The following GAN variants were observed in gnomAD, a reference collection of about 807,000 sequenced individuals.
GAN encodes the protein gigaxonin.
A neutral mutation model predicts 71.3 loss-of-function variants in GAN; 48 were observed. That is an observed-to-expected ratio of 0.67 (90% CI 0.53 to 0.86). GAN has a LOEUF of 0.86. GAN is among the 40% of genes least tolerant of loss of function. The probability of loss-of-function intolerance (pLI) is 0.00; values close to 1 mark genes in which losing one functional copy is unlikely to be tolerated. For missense variants in GAN, 928 were observed against 770.1 expected (o/e 1.21, Z -2.43); for synonymous variants, 386 against 276.8 (o/e 1.39, Z -3.92).
At chr16:81,323,844 G>A (rs1056883270) in intron 1 of GAN, among the ~76,000 whole-genome samples, 2 of 152,148 alleles carry the variant, frequency 1.3e-5, no homozygotes, top group African/African-American at 2.4e-5. Context: ...TGCCATTGGA[G>A]CATTGTATTC....
Position 81,315,263 on chromosome 16 carries a change from G to T in GAN, c.150G>T (p.Ala50=), listed in dbSNP as rs541886350. ...CGGTGCAGAAGAACATCCTGGCGGC[G>T]GCCAGCCCGTACATCAGGTGGGGAG... ...EIPVQKNILA[A]ASPYIRTKLN... is the part of the protein sequence containing the mutation. Residue 50 remains alanine (A), a synonymous_variant, in exon 1 of 11, where the codon GCG becomes GCT. Coordinates refer to ENST00000648994, the MANE Select transcript of GAN (RefSeq NM_022041.4). 1.3e-6 allele frequency: 2 copies of T among 1,569,806 alleles called. No homozygotes were observed. Among genetic ancestry groups the T allele is most frequent in the South Asian group, 2.3e-5 (2 of 86,194 alleles).
intron 1 of GAN, among the ~76,000 whole-genome samples, chr16:81,348,533 A>G (rs1352642039): frequency 6.6e-6 from 1 of 152,218 alleles, no homozygotes; most frequent in African/African-American, 2.4e-5. Context: ...TGTTGCAAGT[A>G]TGTGAAGATA....
At position 81,386,124 on chromosome 16, in the gene GAN, T is replaced by C. The variant is rs904504049; in HGVS notation, c.*8528T>C. The C allele has an allele frequency of 2.6e-5, 4 of 152,228 alleles. No individual in the cohort carries two copies. The highest frequency in any genetic ancestry group is 4.8e-5 in the African/African-American group (2 of 41,458). The allele number at this position is 152,228 out of a possible 1,614,324, so 9.4% of individuals were successfully genotyped here. ...TATTTAAATTCAACACAATTCTAGA[T>C]AGCTGAAACAGCCCAAAATATGTGT... On this transcript the variant is annotated 3_prime_UTR_variant, in exon 11 of 11. Transcript: ENST00000648994.
At position 81,365,154 on chromosome 16, in the gene GAN, A is replaced by C. The variant is rs751795396; in HGVS notation, c.1373+44A>C. The C allele has an allele frequency of 2.8e-5, 45 of 1,604,472 alleles. No homozygotes were observed. In the East Asian group the frequency reaches 8.5e-4, roughly 30 times the overall value. Reference sequence around the variant, plus strand: ...GACTTTGTAGATTCCCTTGCTGTTCACTGGGTCTGGAGCCCCTTACCCTGC... The same window carrying C: ...GACTTTGTAGATTCCCTTGCTGTTCCCTGGGTCTGGAGCCCCTTACCCTGC... On this transcript the variant is annotated intron_variant, in intron 8 of 10. Coordinates refer to ENST00000648994, the MANE Select transcript of GAN (RefSeq NM_022041.4).
intron 9 of GAN, among the ~76,000 whole-genome samples, chr16:81,372,411 C>T (rs1039618700): frequency 1.3e-5 from 2 of 152,156 alleles, no homozygotes; most frequent in African/African-American, 2.4e-5. Flanking sequence ...GATGAGGAAG[C>T]AGGCTAGGAT....
chr16:81,314,981 C>CG lies in GAN; in HGVS notation c.-128dup. ...CGCCGCGGATAGCACAGGCACGTCC[C>CG]GGGGGCTCCAGCTTCTGCTCAGAGC... On this transcript the variant is annotated 5_prime_UTR_variant, in exon 1 of 11. Coordinates refer to ENST00000648994, the MANE Select transcript of GAN (RefSeq NM_022041.4). The CG allele has an allele frequency of 1.4e-6, 1 of 733,184 alleles. No homozygotes were observed. Among genetic ancestry groups the CG allele is most frequent in the Non-Finnish European group, 2.0e-6 (1 of 509,558 alleles). 45.4% of individuals were successfully genotyped at this position (733,184 alleles called of 1,614,324 possible). A position where few individuals can be genotyped will look rare whatever the true frequency, so the allele number is the denominator to read the frequency against.
chr16:81,374,970 T>A (rs35305133), intron 9 of GAN, among the ~76,000 whole-genome samples: 98,815 of 152,072 alleles, frequency 0.65, 32,256 homozygotes, highest in East Asian at 0.75. Context: ...TAACTTGAAA[T>A]GTATCATAGA....
chr16:81,372,463 A>G (rs891484703), intron 9 of GAN, among the ~76,000 whole-genome samples: 1 of 152,220 alleles, frequency 6.6e-6, no homozygotes, highest in Non-Finnish European at 1.5e-5. Flanking sequence ...AATGACATGT[A>G]AAACCTCATG....
At chr16:81,347,565 T>C (rs1364956328) in intron 1 of GAN, among the ~76,000 whole-genome samples, 1 of 152,154 alleles carries the variant, frequency 6.6e-6, no homozygotes, top group South Asian at 2.1e-4. Context: ...TCTAACACCA[T>C]CCCGAGAAAG....
rs568673305 is a variant in GAN, at chr16:81,333,328, A to G, written c.167+18048A>G. ...TAAGTTGTGGGAGCAACACTTTGAG[A>G]TTATGTAAATATCCCATTCCTCACT... On this transcript the variant is annotated intron_variant, in intron 1 of 10. Transcript: ENST00000648994. Among the ~76,000 whole-genome samples, 5 of 151,770 alleles carry G rather than the reference A, an allele frequency of 3.3e-5. No homozygotes were observed. The East Asian group carries it at 7.7e-4, about 23-fold the overall frequency.
intron 1 of GAN, among the ~76,000 whole-genome samples, chr16:81,326,948 A>G (rs996224675): frequency 5.3e-5 from 8 of 152,228 alleles, no homozygotes; most frequent in African/African-American, 1.9e-4. Context: ...TGCTGAATAT[A>G]CTACATCCAA....
intron 9 of GAN, among the ~76,000 whole-genome samples, chr16:81,375,514 A>T (rs1232374878): frequency 6.6e-6 from 1 of 151,860 alleles, no homozygotes; most frequent in African/African-American, 2.4e-5. Flanking sequence ...TTTTGTAAAG[A>T]CAAGGTTTCG....
intron 1 of GAN, among the ~76,000 whole-genome samples, chr16:81,343,732 A>C (rs564957766): frequency 4.6e-5 from 7 of 152,332 alleles, no homozygotes; most frequent in African/African-American, 1.7e-4. Context: ...CTCTCTCACC[A>C]TTCCTATTCA....
chr16:81,318,785 C>A (rs1909128628), intron 1 of GAN, among the ~76,000 whole-genome samples: 1 of 152,298 alleles, frequency 6.6e-6, no homozygotes, highest in East Asian at 1.9e-4. Flanking sequence ...GCTTTGGCAA[C>A]ACACCCTCAT....
At chr16:81,349,700 G>A (rs878984838) in intron 1 of GAN, among the ~76,000 whole-genome samples, 1 of 152,162 alleles carries the variant, frequency 6.6e-6, no homozygotes, top group African/African-American at 2.4e-5. Flanking sequence ...TTTGTATTCA[G>A]TCTACCAAAA....
chr16:81,337,054 G>A (rs375634871), intron 1 of GAN, among the ~76,000 whole-genome samples: 2 of 152,070 alleles, frequency 1.3e-5, no homozygotes, highest in Admixed American at 6.6e-5. Context: ...ATCACCCAGA[G>A]TAGTTTCACT....
chr16:81,376,048 G>A, intron 9 of GAN, among the ~76,000 whole-genome samples: 1 of 151,812 alleles, frequency 6.6e-6, no homozygotes, highest in Non-Finnish European at 1.5e-5. Context: ...TGGTCTTCAG[G>A]GAAGTATACG....
intron 1 of GAN, among the ~76,000 whole-genome samples, chr16:81,319,206 T>TTATATATATATATATATATATATA (rs57681055): frequency 1.4e-4 from 20 of 138,782 alleles, no homozygotes; most frequent in Admixed American, 2.9e-4. Context: ...TAGATATAGA[T>TTATATATATATATATATATATATA]TATATATATA....
intron 9 of GAN, among the ~76,000 whole-genome samples, chr16:81,376,631 CATATATGTGTGTATATATGTGTGT>C (rs139085847): frequency 4.1e-5 from 6 of 147,550 alleles, no homozygotes; most frequent in South Asian, 2.1e-4. Context: ...TATATACATA[CATATATGTGTGTATATATGTGTGT>C]ATATATGTGT....
Sources: allele counts gnomAD v4.1 joint callset (sites outside exome capture counted in the v4.1 genomes callset), GRCh38; gene constraint gnomAD v4.1.1; transcripts MANE v1.5; gene names NCBI Gene and HGNC (gene_info 2026-07-23, HGNC 2026-07-21).